The following STIMATE variants were observed in gnomAD, a reference collection of about 807,000 sequenced individuals.
The protein encoded by STIMATE is store-operated calcium entry regulator STIMATE.
STIMATE carries 15 observed loss-of-function variants against 36.7 expected under a neutral mutation model. That is an observed-to-expected ratio of 0.41 (90% CI 0.27 to 0.63). The LOEUF (loss-of-function observed/expected upper bound fraction) is 0.63. Ranked by LOEUF, STIMATE falls within the 20% of genes least tolerant of loss-of-function variation. The probability of loss-of-function intolerance (pLI) is 0.32; values close to 1 mark genes in which losing one functional copy is unlikely to be tolerated. For missense variants in STIMATE, 305 were observed against 397.3 expected, an observed-to-expected ratio of 0.77 and a Z score of 1.98; for synonymous variants, 163 against 162.3, an observed-to-expected ratio of 1.00 and a Z score of -0.03.
intron 4 of STIMATE, chr3:52,848,276 A>C (rs1300321577): frequency 2.0e-5 from 3 of 152,344 alleles, no homozygotes; most frequent in African/African-American, 7.2e-5. Flanking sequence ...TCTGGCTCCC[A>C]AAGGCAGTGG....
intron 1 of STIMATE, among the ~76,000 whole-genome samples, chr3:52,881,518 C>A (rs1701604884): frequency 6.6e-6 from 1 of 152,068 alleles, no homozygotes; most frequent in East Asian, 1.9e-4. Context: ...TCCTGGCTAA[C>A]AAGGTGAAAC....
chr3:52,885,081 T>C (rs1701669355), intron 1 of STIMATE, among the ~76,000 whole-genome samples: 1 of 152,244 alleles, frequency 6.6e-6, no homozygotes, highest in Non-Finnish European at 1.5e-5. Context: ...CTTGGTATTG[T>C]TCATCAATTT....
At chr3:52,851,895 T>C (rs1287941280) in intron 3 of STIMATE, among the ~76,000 whole-genome samples, 1 of 152,116 alleles carries the variant, frequency 6.6e-6, no homozygotes, top group Non-Finnish European at 1.5e-5. Context: ...TCCTGAGCGG[T>C]GTGAACTTAC....
chr3:52,871,577 TCA>T (rs1701408275), intron 1 of STIMATE, among the ~76,000 whole-genome samples: 1 of 152,138 alleles, frequency 6.6e-6, no homozygotes, highest in Non-Finnish European at 1.5e-5. Context: ...AGCAGAAGCC[TCA>T]GAGCCTCACT....
intron 7 of STIMATE, 37 bp from the exon 8 acceptor site, chr3:52,840,647 A>C (rs1475160092): frequency 2.5e-6 from 4 of 1,586,004 alleles, no homozygotes; most frequent in Non-Finnish European, 3.4e-6. Context: ...AGTCACCCCC[A>C]GCAGGGCCTT....
chr3:52,895,858 G>C (rs886416105), intron 1 of STIMATE: 2 of 1,280,184 alleles, frequency 1.6e-6, no homozygotes, highest in African/African-American at 3.0e-5. Flanking sequence ...GAAGTAGGAG[G>C]GGTATGAAGA....
At chr3:52,861,573 G>A (rs938321364) in intron 1 of STIMATE, among the ~76,000 whole-genome samples, 4 of 152,184 alleles carry the variant, frequency 2.6e-5, no homozygotes, top group African/African-American at 7.2e-5. Context: ...TGCTATGACC[G>A]GCTAGGCACG....
chr3:52,872,757 C>T (rs574156452), intron 1 of STIMATE, among the ~76,000 whole-genome samples: 40 of 152,202 alleles, frequency 2.6e-4, no homozygotes, highest in Non-Finnish European at 5.1e-4. Flanking sequence ...TCCTGAGTAG[C>T]TGGGATTACA....
chr3:52,874,735 G>C (rs965511005), intron 1 of STIMATE, among the ~76,000 whole-genome samples: 1 of 152,176 alleles, frequency 6.6e-6, no homozygotes, highest in East Asian at 1.9e-4. Context: ...GTGGCTACTC[G>C]TGAGGCTGAG....
intron 1 of STIMATE, among the ~76,000 whole-genome samples, chr3:52,891,406 C>CG (rs2106735914): frequency 6.6e-6 from 1 of 152,316 alleles, no homozygotes; most frequent in South Asian, 2.1e-4. Flanking sequence ...GAAAAGAGGC[C>CG]GGCTCCAGGG....
chr3:52,887,830 T>C (rs577448133), intron 1 of STIMATE, among the ~76,000 whole-genome samples: 66 of 152,252 alleles, frequency 4.3e-4, no homozygotes, highest in African/African-American at 1.6e-3. Context: ...ATGGTGACAC[T>C]ATGGCATGTG....
intron 1 of STIMATE, among the ~76,000 whole-genome samples, chr3:52,885,698 T>C (rs760076614): frequency 6.6e-6 from 1 of 152,246 alleles, no homozygotes; most frequent in Non-Finnish European, 1.5e-5. Flanking sequence ...TCCTCTGTAC[T>C]GTCCCCTGCA....
intron 3 of STIMATE, among the ~76,000 whole-genome samples, chr3:52,850,393 C>G (rs538425002): frequency 3.3e-5 from 5 of 151,874 alleles, no homozygotes; most frequent in Non-Finnish European, 7.4e-5. Context: ...GATTGCACCA[C>G]TGCACTCCAG....
Position 52,895,909 on chromosome 3 carries a change from G to A in STIMATE, c.160+1382C>T, listed in dbSNP as rs900336047. ...TTGAAAACACACACGTACAGTACATGCGCCCAAGTCAGCAGCGGATTTTGG... is the reference window on the plus strand; with the variant it reads ...TTGAAAACACACACGTACAGTACATACGCCCAAGTCAGCAGCGGATTTTGG... On this transcript the variant is annotated intron_variant, in intron 1 of 7. Transcript: ENST00000355083. The A allele has an allele frequency of 1.2e-5, 16 of 1,289,706 alleles. No individual in the cohort carries two copies. The African/African-American group carries it at 2.4e-4, about 20-fold the overall frequency. The allele number at this position is 1,289,706 out of a possible 1,614,324, so 79.9% of individuals were successfully genotyped here.
intron 1 of STIMATE, among the ~76,000 whole-genome samples, chr3:52,879,107 T>C (rs184036052): frequency 5.3e-4 from 81 of 152,346 alleles, no homozygotes; most frequent in African/African-American, 1.9e-3. Context: ...CTCATGATAC[T>C]AGAATTATTA....
rs1040017013 is a variant in STIMATE, at chr3:52,838,084, C to T, written c.*2410G>A. ...ATGGTCAGACACCCTATTAGACCCC[C>T]GTCCCCTGGTCAGCCAGCCAGCTAC... On this transcript the variant is annotated 3_prime_UTR_variant, in exon 8 of 8. Transcript: ENST00000355083. The T allele has an allele frequency of 6.6e-6, 1 of 152,276 alleles. No homozygotes were observed. Among genetic ancestry groups the T allele is most frequent in the Non-Finnish European group, 1.5e-5 (1 of 68,104 alleles). The allele number at this position is 152,276 out of a possible 1,614,324, so 9.4% of individuals were successfully genotyped here.
chr3:52,873,107 C>G (rs1278359539), intron 1 of STIMATE, among the ~76,000 whole-genome samples: 4 of 152,198 alleles, frequency 2.6e-5, no homozygotes, highest in Non-Finnish European at 5.9e-5. Flanking sequence ...AAACAAAAAG[C>G]AACAACCTCC....
At position 52,840,267 on chromosome 3, in the gene STIMATE, G is replaced by A. The variant is rs1700772353; in HGVS notation, c.*227C>T. 2 of 487,072 alleles carry A rather than the reference G, an allele frequency of 4.1e-6. No homozygotes were observed. Among genetic ancestry groups the A allele is most frequent in the Non-Finnish European group, 7.4e-6 (2 of 271,262 alleles). 30.2% of individuals were successfully genotyped at this position (487,072 alleles called of 1,614,324 possible). A position where few individuals can be genotyped will look rare whatever the true frequency, so the allele number is the denominator to read the frequency against. On this transcript the variant is annotated 3_prime_UTR_variant, in exon 8 of 8. Coordinates refer to ENST00000355083, the MANE Select transcript of STIMATE (RefSeq NM_198563.5). ...TGCATATTTGGTCAGTGTTTGTAGTGCAACTGAATGGGGACCTCCAGCCGC... is the reference window on the plus strand; with the variant it reads ...TGCATATTTGGTCAGTGTTTGTAGTACAACTGAATGGGGACCTCCAGCCGC...
intron 1 of STIMATE, among the ~76,000 whole-genome samples, chr3:52,884,703 C>T (rs1701664372): frequency 6.6e-6 from 1 of 152,358 alleles, no homozygotes; most frequent in South Asian, 2.1e-4. Flanking sequence ...GCTCAGCATA[C>T]TCAACCATGA....
Sources: gnomAD v4.1 joint callset for allele counts (sites outside exome capture counted in the v4.1 genomes callset) on GRCh38, gnomAD v4.1.1 for gene constraint, MANE v1.5 for transcripts, NCBI Gene and HGNC (gene_info 2026-07-23, HGNC 2026-07-21) for gene names.